The following EIF4E variants were observed in gnomAD, a reference collection of about 807,000 sequenced individuals.
EIF4E encodes eukaryotic translation initiation factor 4E.
For missense variants in EIF4E, 113 were observed against 265.6 expected (o/e 0.43, Z 3.99); for synonymous variants, 71 against 88.5 (o/e 0.80, Z 1.11).
At position 98,880,208 on chromosome 4, in the gene EIF4E, A is replaced by C. The variant is rs1450300369; in HGVS notation, c.*820T>G. 1 of 150,172 alleles carries C rather than the reference A, an allele frequency of 6.7e-6. No individual in the cohort carries two copies. The highest frequency in any genetic ancestry group is 2.0e-4 in the East Asian group (1 of 5,108). 9.3% of individuals were successfully genotyped at this position (150,172 alleles called of 1,614,324 possible). ...GTTAAAATACAGCATAAAGATACAA[A>C]AACAGACATACTAATTCTAGTTAGG... is the stretch of plus-strand genomic sequence containing the variant. On this transcript the variant is annotated 3_prime_UTR_variant, in exon 7 of 7. Transcript: ENST00000450253.
chr4:98,917,342 T>G (rs1229417957), intron 1 of EIF4E, among the ~76,000 whole-genome samples: 1 of 152,070 alleles, frequency 6.6e-6, no homozygotes, highest in Non-Finnish European at 1.5e-5. Flanking sequence ...TACTGAAGAT[T>G]CTTTGCCTGG....
At position 98,909,829 on chromosome 4, in the gene EIF4E, C is replaced by T. The variant is rs540008781; in HGVS notation, c.19-7847G>A. The T allele has an allele frequency of 3.5e-4, 245 of 697,396 alleles. 1 individual carries two copies. In the African/African-American group the frequency reaches 3.6e-3, roughly 10 times the overall value. The allele number at this position is 697,396 out of a possible 1,614,324, so 43.2% of individuals were successfully genotyped here. A position where few individuals can be genotyped will look rare whatever the true frequency, so the allele number is the denominator to read the frequency against. On this transcript the variant is annotated intron_variant, in intron 1 of 6. Transcript: ENST00000450253. Reference sequence around the variant, plus strand: ...CTTCACCACAGGAGTCTTAATTTGTCTCAGGACAGGATCAGCCATGGTCCC... The same window carrying T: ...CTTCACCACAGGAGTCTTAATTTGTTTCAGGACAGGATCAGCCATGGTCCC...
intron 5 of EIF4E, chr4:98,886,254 T>C (rs1723916775): frequency 4.4e-6 from 1 of 229,286 alleles, no homozygotes; most frequent in Non-Finnish European, 8.9e-6. Flanking sequence ...CAAAAGAGAC[T>C]ACAAACCCCG....
In EIF4E at chr4:98,884,966, T is replaced by A. The variant is rs372999306; in HGVS notation, c.495A>T (p.Ile165=). ...CTCTGTTTTCACATTCAGTAGTCCA[T>A]ATTGCTATCTTATCACCTTTAGCTC... ...NVRAKGDKIA[I]WTTECENREA... Residue 165 remains isoleucine (I), a synonymous_variant, in exon 6 of 7, where the codon ATA becomes ATT. Transcript: ENST00000450253. 1 of 1,613,690 alleles carries A rather than the reference T, an allele frequency of 6.2e-7. No homozygotes were observed. Among genetic ancestry groups the A allele is most frequent in the Non-Finnish European group, 8.5e-7 (1 of 1,179,882 alleles).
intron 5 of EIF4E, chr4:98,886,641 G>C (rs1723932420): frequency 5.8e-6 from 2 of 347,218 alleles, no homozygotes; most frequent in Non-Finnish European, 1.1e-5. Flanking sequence ...CTTGAACCCA[G>C]AGGGTGAGGC....
At chr4:98,927,998 T>C (rs1357041809) in intron 1 of EIF4E, among the ~76,000 whole-genome samples, 1 of 151,840 alleles carries the variant, frequency 6.6e-6, no homozygotes, top group East Asian at 1.9e-4. Context: ...AAGTTTAAAA[T>C]GGTGCCTAAA....
chr4:98,894,919 CAT>C (rs1414366516), intron 2 of EIF4E, among the ~76,000 whole-genome samples: 2 of 152,182 alleles, frequency 1.3e-5, no homozygotes, highest in African/African-American at 4.8e-5. Flanking sequence ...TTCACTATAA[CAT>C]GTAGAGGCCA....
intron 1 of EIF4E, among the ~76,000 whole-genome samples, chr4:98,910,271 CAA>C (rs1285318200): frequency 6.6e-6 from 1 of 151,910 alleles, no homozygotes; most frequent in African/African-American, 2.4e-5. Context: ...GGAGATTTAG[CAA>C]AATACAAATC....
Position 98,905,749 on chromosome 4 carries a change from C to T in EIF4E, c.19-3767G>A, listed in dbSNP as rs1724845611. ...GTTCAGTATTGTAATTTAGCAAACC[C>T]AGGGCTGAATAAACTGTCATAGCAA... On this transcript the variant is annotated intron_variant, in intron 1 of 6. Transcript: ENST00000450253. Among the ~76,000 whole-genome samples the T allele has an allele frequency of 1.3e-5, 2 of 152,206 alleles. 1 individual carries two copies.
chr4:98,881,097 A>G lies in EIF4E; in HGVS notation c.585T>C (p.Ile195=). 6.2e-7 allele frequency: 1 copy of G among 1,613,168 alleles called. No homozygotes were observed. The highest frequency in any genetic ancestry group is 8.5e-7 in the Non-Finnish European group (1 of 1,179,538). The change falls in exon 7 of 7, where the codon ATT becomes ATC. Residue 195 remains isoleucine, a synonymous_variant. Coordinates refer to ENST00000450253, the MANE Select transcript of EIF4E (RefSeq NM_001968.5). ...CTGTGTCTGCGTGGGACTGATAACC[A>G]ATCACTATCTTTGGAGGAAGTCCTA... ...ERLGLPPKIV[I]GYQSHADTAT...
chr4:98,898,984 T>G (rs1223101106), intron 2 of EIF4E, among the ~76,000 whole-genome samples: 2 of 151,434 alleles, frequency 1.3e-5, no homozygotes, highest in African/African-American at 4.9e-5. Context: ...AAAGTTTTCC[T>G]AAAATTGATA....
At chr4:98,910,955 T>G (rs1036657016) in intron 1 of EIF4E, among the ~76,000 whole-genome samples, 4 of 152,052 alleles carry the variant, frequency 2.6e-5, no homozygotes, top group African/African-American at 9.7e-5. Flanking sequence ...GGTCTTGAAC[T>G]CCTCCTGACC....
chr4:98,910,002 G>A (rs2110208159), intron 1 of EIF4E: 2 of 424,402 alleles, frequency 4.7e-6, no homozygotes, highest in Non-Finnish European at 8.2e-6. Flanking sequence ...TAGTACACAA[G>A]AACAAATATA....
At chr4:98,904,196 A>C (rs1724764540) in intron 1 of EIF4E, among the ~76,000 whole-genome samples, 1 of 152,190 alleles carries the variant, frequency 6.6e-6, no homozygotes. Flanking sequence ...GCAGGGACTT[A>C]TGTCTGTAAT....
chr4:98,929,069 G>T, intron 1 of EIF4E, 26 bp downstream of exon 1: 1 of 1,579,830 alleles, frequency 6.3e-7, no homozygotes, highest in East Asian at 2.3e-5. Flanking sequence ...GGACCCGTGG[G>T]GGTGGGGGCC....
At chr4:98,916,821 G>A (rs2032890242) in intron 1 of EIF4E, among the ~76,000 whole-genome samples, 1 of 152,042 alleles carries the variant, frequency 6.6e-6, no homozygotes, top group South Asian at 2.1e-4. Context: ...AAAAACTGCT[G>A]GAGATCTGGC....
intron 1 of EIF4E, among the ~76,000 whole-genome samples, chr4:98,918,141 T>C (rs1207440694): frequency 6.8e-6 from 1 of 147,486 alleles, no homozygotes; most frequent in Non-Finnish European, 1.5e-5. Context: ...AGTGGGTGGA[T>C]TACCTAAGAT....
At chr4:98,918,817 GCTA>G (rs1725519192) in intron 1 of EIF4E, among the ~76,000 whole-genome samples, 2 of 152,132 alleles carry the variant, frequency 1.3e-5, no homozygotes, top group Admixed American at 6.5e-5. Context: ...CACATAGCTG[GCTA>G]CTATTTACTT....
intron 1 of EIF4E, among the ~76,000 whole-genome samples, chr4:98,919,290 T>A (rs1290377499): frequency 1.4e-5 from 2 of 141,564 alleles, no homozygotes; most frequent in African/African-American, 5.2e-5. Context: ...GACAACAGAG[T>A]GAGACACCAT....
Sources: allele counts gnomAD v4.1 joint callset (sites outside exome capture counted in the v4.1 genomes callset), GRCh38; gene constraint gnomAD v4.1.1; transcripts MANE v1.5; gene names NCBI Gene and HGNC (gene_info 2026-07-23, HGNC 2026-07-21).